NAV3: variants seen among roughly 807,000 people sequenced by gnomAD.
NAV3 encodes the protein neuron navigator 3, also known as pore membrane and/or filament interacting like protein 1.
A neutral mutation model predicts 244.7 loss-of-function variants in NAV3; 87 were observed. The ratio of observed to expected loss-of-function variants is 0.36; its 90% CI spans 0.30 to 0.42. The LOEUF (loss-of-function observed/expected upper bound fraction) is 0.42, where lower values mean the gene tolerates loss of function less well. NAV3 is among the 20% of genes least tolerant of loss of function. NAV3 has a pLI of 1.00. For synonymous variants in NAV3, 1,126 were observed against 1,042.2 expected, an observed-to-expected ratio of 1.08 and a Z score of -1.55; for missense variants, 2,663 against 2,893.3, an observed-to-expected ratio of 0.92 and a Z score of 1.83.
At chr12:77,839,537 G>A (rs539146844) in intron 1 of NAV3, among the ~76,000 whole-genome samples, 1 of 152,178 alleles carries the variant, frequency 6.6e-6, no homozygotes, top group African/African-American at 2.4e-5. Context: ...TTTAAAATGA[G>A]GATAATCATG....
chr12:77,618,576 A>G (rs900394035), intron 2 of NAV3, among the ~76,000 whole-genome samples: 2 of 152,200 alleles, frequency 1.3e-5, no homozygotes, highest in African/African-American at 4.8e-5. Context: ...GTATAACTAA[A>G]TACTATCAAA....
chr12:77,830,513 G>A (rs759711577), upstream of NAV3, among the ~76,000 whole-genome samples: 2 of 152,164 alleles, frequency 1.3e-5, no homozygotes, highest in Non-Finnish European at 2.9e-5. Context: ...AGCTTTGAAT[G>A]TTTTTATAAT....
At chr12:78,170,574 G>A (rs1458567682) in intron 24 of NAV3, among the ~76,000 whole-genome samples, 1 of 151,678 alleles carries the variant, frequency 6.6e-6, no homozygotes, top group East Asian at 1.9e-4. Context: ...AGACTCCTCA[G>A]CATGACATAA....
intron 12 of NAV3, among the ~76,000 whole-genome samples, chr12:78,079,430 T>G (rs182243381): frequency 1.3e-5 from 2 of 152,360 alleles, no homozygotes; most frequent in East Asian, 3.9e-4. Flanking sequence ...TTTTCATGAC[T>G]GATAACATTT....
At chr12:78,059,582 C>T (rs768769527) in intron 12 of NAV3, among the ~76,000 whole-genome samples, 1 of 152,138 alleles carries the variant, frequency 6.6e-6, no homozygotes, top group African/African-American at 2.4e-5. Flanking sequence ...CCTCTACGCC[C>T]CGCCTATTTG....
Position 78,200,605 on chromosome 12 carries a change from T to A in NAV3, c.6834+14T>A. Reference sequence around the variant, plus strand: ...GAGGGTCTTCAGGTATAGTACTCAATTTTCATTGCTATTTTTTTTTAAAAA... The same window carrying A: ...GAGGGTCTTCAGGTATAGTACTCAAATTTCATTGCTATTTTTTTTTAAAAA... On this transcript the variant is annotated intron_variant, in intron 38 of 39. Transcript: ENST00000397909. The A allele has an allele frequency of 4.5e-6, 6 of 1,344,682 alleles. No individual in the cohort carries two copies. Among genetic ancestry groups the A allele is most frequent in the Non-Finnish European group, 6.1e-6 (6 of 990,060 alleles). 83.3% of individuals were successfully genotyped at this position (1,344,682 alleles called of 1,614,324 possible). A position where few individuals can be genotyped will look rare whatever the true frequency, so the allele number is the denominator to read the frequency against.
At chr12:77,846,641 G>A (rs1298356677) in intron 1 of NAV3, among the ~76,000 whole-genome samples, 1 of 152,098 alleles carries the variant, frequency 6.6e-6, no homozygotes, top group Non-Finnish European at 1.5e-5. Flanking sequence ...AGTAGTTGGA[G>A]ATCTCATATT....
rs144597738 is a variant in NAV3, at chr12:78,048,163, C to T, written c.2024-1830C>T. ...TCCTTTCATTGGGTTAGAACGTTCT[C>T]CTTTAGCTTGGAGGAGTTTGTTATT... On this transcript the variant is annotated intron_variant, in intron 9 of 39. Transcript: ENST00000397909. Among the ~76,000 whole-genome samples the T allele has an allele frequency of 4.0e-3, 610 of 152,226 alleles. 7 individuals are homozygous for T. The highest frequency in any genetic ancestry group is 0.014 in the African/African-American group (587 of 41,530).
intron 1 of NAV3, among the ~76,000 whole-genome samples, chr12:77,845,785 C>T (rs568697638): frequency 1.3e-5 from 2 of 151,780 alleles, no homozygotes; most frequent in African/African-American, 4.8e-5. Flanking sequence ...TCCCAAGTAG[C>T]GGGGATTACA....
intron 2 of NAV3, among the ~76,000 whole-genome samples, chr12:77,730,403 A>G (rs1786006039): frequency 1.3e-5 from 2 of 151,964 alleles, no homozygotes; most frequent in Admixed American, 6.6e-5. Flanking sequence ...ACTAAAAAAA[A>G]CAATAATGTA....
Position 77,649,816 on chromosome 12 carries a change from T to A in NAV3, c.72+77550T>A, listed in dbSNP as rs1002815654. Among the ~76,000 whole-genome samples, 31 of 152,314 alleles carry A rather than the reference T, an allele frequency of 2.0e-4. 1 individual carries two copies. The highest frequency in any genetic ancestry group is 6.7e-4 in the African/African-American group (28 of 41,580). On this transcript the variant is annotated intron_variant, in intron 2 of 8. Transcript: ENST00000550042. ...AAGTAAATGATTTAATCGATTTTTT[T>A]AAGTGACAATCTCTACTTTTGTTTA...
At chr12:77,761,643 A>C (rs555662962) in intron 2 of NAV3, among the ~76,000 whole-genome samples, 2 of 152,244 alleles carry the variant, frequency 1.3e-5, no homozygotes, top group African/African-American at 4.8e-5. Flanking sequence ...TCTCAAAAAA[A>C]GACATTTATG....
chr12:77,946,068 T>C (rs1183734611), intron 3 of NAV3, among the ~76,000 whole-genome samples: 1 of 147,498 alleles, frequency 6.8e-6, no homozygotes, highest in Non-Finnish European at 1.5e-5. Flanking sequence ...CATGGATACC[T>C]TATAATAAAG....
At chr12:78,165,069 A>G (rs1957722094) in intron 23 of NAV3, among the ~76,000 whole-genome samples, 1 of 152,104 alleles carries the variant, frequency 6.6e-6, no homozygotes, top group Non-Finnish European at 1.5e-5. Flanking sequence ...AGATACATGC[A>G]TAAAACTGTG....
intron 5 of NAV3, among the ~76,000 whole-genome samples, chr12:77,973,000 T>A (rs542335165): frequency 5.7e-4 from 87 of 152,034 alleles, no homozygotes; most frequent in African/African-American, 1.9e-3. Flanking sequence ...AAAAAAAAAA[T>A]AAAATGAAAC....
At chr12:77,723,371 T>A (rs200759462) in intron 2 of NAV3, among the ~76,000 whole-genome samples, 186 of 139,082 alleles carry the variant, frequency 1.3e-3, no homozygotes, top group African/African-American at 4.3e-3. Context: ...TTTTTTTTTT[T>A]AAATTTGATT....
At chr12:78,170,923 C>T (rs1370543211) in intron 24 of NAV3, among the ~76,000 whole-genome samples, 2 of 151,620 alleles carry the variant, frequency 1.3e-5, no homozygotes, top group Non-Finnish European at 3.0e-5. Context: ...TACTTTGGGG[C>T]TTTTATTTAA....
intron 1 of NAV3, among the ~76,000 whole-genome samples, chr12:77,847,650 A>C (rs1219182960): frequency 3.9e-5 from 6 of 152,214 alleles, no homozygotes; most frequent in Non-Finnish European, 8.8e-5. Flanking sequence ...GATGCTACAC[A>C]AAGTATTACA....
chr12:77,977,630 T>C (rs943869236), intron 5 of NAV3, among the ~76,000 whole-genome samples: 3 of 151,900 alleles, frequency 2.0e-5, no homozygotes, highest in Admixed American at 6.6e-5. Context: ...ATGCTTTTAG[T>C]ATAGGTTGAT....
Sources: gnomAD v4.1 joint callset for allele counts (sites outside exome capture counted in the v4.1 genomes callset) on GRCh38, gnomAD v4.1.1 for gene constraint, MANE v1.5 for transcripts, NCBI Gene and HGNC (gene_info 2026-07-23, HGNC 2026-07-21) for gene names.